The following TPTE2 variants were observed in gnomAD, a reference collection of about 807,000 sequenced individuals.
TPTE2 encodes the protein phosphatidylinositol 3,4,5-trisphosphate 3-phosphatase TPTE2.
TPTE2 carries 53 observed loss-of-function variants against 78.6 expected under a neutral mutation model. That is an observed-to-expected ratio of 0.67 (90% CI 0.54 to 0.85). The LOEUF (loss-of-function observed/expected upper bound fraction) is 0.85. Among genes scored for constraint, TPTE2 ranks in the 40% least tolerant of loss-of-function variants. The probability of loss-of-function intolerance (pLI) is 0.00; values close to 1 mark genes in which losing one functional copy is unlikely to be tolerated. For missense variants in TPTE2, 461 were observed against 623.0 expected, an observed-to-expected ratio of 0.74 and a Z score of 2.77; for synonymous variants, 175 against 206.2, an observed-to-expected ratio of 0.85 and a Z score of 1.30.
intron 19 of TPTE2, 44 bp from the exon 23 acceptor site, chr13:19,423,208 C>G: frequency 6.7e-7 from 1 of 1,492,204 alleles, no homozygotes; most frequent in Non-Finnish European, 9.1e-7. Context: ...TGGGGCTCAC[C>G]AAAAAGCCAC....
At chr13:19,467,259 A>G in exon 7 of TPTE2, 5 of 1,593,664 alleles carry the variant, frequency 3.1e-6, no homozygotes, top group Non-Finnish European at 1.7e-6. Flanking sequence ...ATGTCAAAAA[A>G]AATGTAAATG....
At chr13:19,442,155 C>T (rs951044499) in intron 13 of TPTE2, among the ~76,000 whole-genome samples, 2 of 151,872 alleles carry the variant, frequency 1.3e-5, no homozygotes. Flanking sequence ...AAACATTTGA[C>T]AATATCAACC....
chr13:19,475,984 G>A (rs186762249), intron 4 of TPTE2, among the ~76,000 whole-genome samples: 61 of 152,168 alleles, frequency 4.0e-4, no homozygotes, highest in African/African-American at 1.4e-3. Flanking sequence ...TGCCAGCCTG[G>A]GCAAATCATC....
At position 19,515,609 on chromosome 13, in the gene TPTE2, A is replaced by C. The variant is rs1282367212; in HGVS notation, c.-43-12332T>G. On this transcript the variant is annotated intron_variant, in intron 1 of 17. Coordinates refer to the TPTE2 transcript ENST00000390680. ...GTCCTTGAATGGCTCCTGGAAATTC[A>C]TCCAGGTCTCAGGAAAAACAATACC... Among the ~76,000 whole-genome samples the C allele has an allele frequency of 3.3e-5, 5 of 152,306 alleles. No individual in the cohort carries two copies. The East Asian group carries it at 5.8e-4, about 18-fold the overall frequency.
chr13:19,493,348 G>C, intron 2 of TPTE2, 100 bp downstream of exon 5: 1 of 957,182 alleles, frequency 1.0e-6, no homozygotes, highest in African/African-American at 1.9e-5. Context: ...TGGATGGATG[G>C]ATGGATGGAT....
chr13:19,488,226 A>G (rs1196598446), intron 3 of TPTE2, among the ~76,000 whole-genome samples: 2 of 152,190 alleles, frequency 1.3e-5, no homozygotes, highest in East Asian at 1.9e-4. Flanking sequence ...CTATTCACCC[A>G]TCTTGCTTGA....
At chr13:19,449,417 AG>A (rs751488387) in intron 13 of TPTE2, among the ~76,000 whole-genome samples, 1 of 152,194 alleles carries the variant, frequency 6.6e-6, no homozygotes, top group East Asian at 1.9e-4. Flanking sequence ...CTGGGATTAC[AG>A]GTGTGAGCCA....
chr13:19,475,423 A>G (rs1176489154), intron 5 of TPTE2, 150 bp downstream of exon 8: 1 of 606,044 alleles, frequency 1.7e-6, no homozygotes, highest in African/African-American at 1.9e-5. Flanking sequence ...ATGGGGTTTC[A>G]CCATGTTAGC....
chr13:19,556,827 A>G, the TPTE2 span, among the ~76,000 whole-genome samples: 1 of 152,218 alleles, frequency 6.6e-6, no homozygotes, highest in Non-Finnish European at 1.5e-5. Context: ...CCAAAAAACT[A>G]ACTTCTATTC....
intron 13 of TPTE2, among the ~76,000 whole-genome samples, chr13:19,440,813 A>G (rs111788405): frequency 1.3e-5 from 2 of 149,232 alleles, no homozygotes; most frequent in African/African-American, 2.5e-5. Flanking sequence ...CAGGCTGGGC[A>G]CGGTGGCTCA....
chr13:19,504,369 C>T (rs1438487792), upstream of TPTE2, among the ~76,000 whole-genome samples: 1 of 152,116 alleles, frequency 6.6e-6, no homozygotes, highest in Non-Finnish European at 1.5e-5. Context: ...GGTGTCTTCT[C>T]TGCTCTCACA....
At chr13:19,520,213 A>G (rs551369139) in intron 1 of TPTE2, among the ~76,000 whole-genome samples, 2 of 151,908 alleles carry the variant, frequency 1.3e-5, no homozygotes, top group South Asian at 2.1e-4. Context: ...TTCCATTCCA[A>G]TCTAGATGCT....
chr13:19,531,568 T>C (rs1464431836), intron 1 of TPTE2, among the ~76,000 whole-genome samples: 2 of 152,016 alleles, frequency 1.3e-5, no homozygotes, highest in African/African-American at 4.8e-5. Flanking sequence ...TTGGTCTATT[T>C]TTACATGTGT....
intron 14 of TPTE2, among the ~76,000 whole-genome samples, chr13:19,437,192 A>C (rs1877161920): frequency 6.6e-6 from 1 of 152,162 alleles, no homozygotes; most frequent in African/African-American, 2.4e-5. Flanking sequence ...CCACAGCTTG[A>C]AAAACACCAT....
At chr13:19,447,997 G>A (rs1877945083) in intron 13 of TPTE2, among the ~76,000 whole-genome samples, 1 of 152,018 alleles carries the variant, frequency 6.6e-6, no homozygotes. Flanking sequence ...TAGACCAATG[G>A]AACAGAATAG....
intron 6 of TPTE2, among the ~76,000 whole-genome samples, chr13:19,471,959 T>A (rs1259339384): frequency 6.6e-6 from 1 of 152,156 alleles, no homozygotes; most frequent in African/African-American, 2.4e-5. Context: ...AGGGTAAATG[T>A]TTTTTTCCTT....
At chr13:19,485,419 C>A (rs548410662) in intron 3 of TPTE2, among the ~76,000 whole-genome samples, 1 of 152,058 alleles carries the variant, frequency 6.6e-6, no homozygotes, top group South Asian at 2.1e-4. Context: ...GGGAAATCAG[C>A]TGTTAGTCTA....
At chr13:19,534,904 TTAAGA>T (rs1291097142) in intron 1 of TPTE2, among the ~76,000 whole-genome samples, 3 of 152,182 alleles carry the variant, frequency 2.0e-5, no homozygotes, top group African/African-American at 7.2e-5. Flanking sequence ...GGCAAGAATC[TTAAGA>T]TAATATACTC....
rs1871162269 is a variant in TPTE2, at chr13:19,535,528, G to T, written c.-44+1068C>A. Among the ~76,000 whole-genome samples the T allele has an allele frequency of 6.6e-6, 1 of 151,902 alleles. No individual in the cohort carries two copies. Among genetic ancestry groups the T allele is most frequent in the Admixed American group, 6.6e-5 (1 of 15,256 alleles). ...AGCAAAACCAAAACAAAACTCTATA[G>T]AAAGATATTATAAAATCAAGGATTA... is the stretch of plus-strand genomic sequence containing the variant. On this transcript the variant is annotated intron_variant, in intron 1 of 17. Transcript: ENST00000390680. The surrounding 1 kb of genome is among the most constrained non-coding windows in gnomAD (Gnocchi z 5.1).
Sources: gnomAD v4.1 joint callset for allele counts (sites outside exome capture counted in the v4.1 genomes callset) on GRCh38, gnomAD v4.1.1 for gene constraint, Gnocchi (gnomAD v3.1) non-coding constraint, MANE v1.5 for transcripts, NCBI Gene and HGNC (gene_info 2026-07-23, HGNC 2026-07-21) for gene names.